The following HSPB7 variants were observed in gnomAD, a reference collection of about 807,000 sequenced individuals.
HSPB7 encodes heat shock protein beta-7.
HSPB7 carries 9 observed loss-of-function variants against 11.0 expected under a neutral mutation model. The ratio of observed to expected loss-of-function variants is 0.82; its 90% confidence interval spans 0.49 to 1.43. The LOEUF (loss-of-function observed/expected upper bound fraction) is 1.43, where lower values mean the gene tolerates loss of function less well. Among genes scored for constraint, HSPB7 ranks in the 40% most tolerant of loss-of-function variants. HSPB7 has a pLI of 0.00. For synonymous variants in HSPB7, 102 were observed against 101.6 expected, an observed-to-expected ratio of 1.00 and a Z score of -0.02; for missense variants, 246 against 243.9, an observed-to-expected ratio of 1.01 and a Z score of -0.06.
At chr1:16,019,108 G>A (rs1475872402), upstream of HSPB7, 1 of 1,524,358 alleles carries the variant, frequency 6.6e-7, no homozygotes, top group South Asian at 1.2e-5. Context: ...CTACCCACCT[G>A]CTTGCTCAGC....
chr1:16,017,559 G>T, intron 1 of HSPB7: 1 of 597,144 alleles, frequency 1.7e-6, no homozygotes, highest in South Asian at 2.2e-5. Flanking sequence ...CCAACCCCCA[G>T]GGCCACAACT....
rs2021575913 is a variant in HSPB7 at position 16,014,855 on chromosome 1, C to T, written c.*725G>A. Reference sequence around the variant, plus strand: ...AGAAGGACCAGCCCCACCCCCAACCCCACTTGGCCTTGCCTGGAGGCCCCA... The same window carrying T: ...AGAAGGACCAGCCCCACCCCCAACCTCACTTGGCCTTGCCTGGAGGCCCCA... On this transcript the variant is annotated 3_prime_UTR_variant, in exon 3 of 3. Coordinates refer to ENST00000311890, the MANE Select transcript of HSPB7 (RefSeq NM_014424.5). 1 of 152,452 alleles carries T rather than the reference C, an allele frequency of 6.6e-6. No individual in the cohort carries two copies. The highest frequency in any genetic ancestry group is 6.5e-5 in the Admixed American group (1 of 15,296). The allele number at this position is 152,452 out of a possible 1,614,324, so 9.4% of individuals were successfully genotyped here.
chr1:16,018,161 T>A, upstream of HSPB7: 1 of 1,537,744 alleles, frequency 6.5e-7, no homozygotes, highest in South Asian at 1.2e-5. Context: ...GGAAATCTTC[T>A]CCCGTGCGCC....
In HSPB7 at chr1:16,017,971, C is replaced by T. The variant is rs3738640; in HGVS notation, c.-8G>A. The T allele has an allele frequency of 0.09, 144,828 of 1,612,826 alleles. 8,115 individuals carry two copies. Among genetic ancestry groups the T allele is most frequent in the East Asian group, 0.25 (11,088 of 44,856 alleles). ...AGAGGTTCTGTGGCTCATCCACGGA[C>T]GGCGCCGGGCCCTGCCCAGGCGGGC... On this transcript the variant is annotated 5_prime_UTR_variant, in exon 1 of 3. Coordinates refer to ENST00000311890, the MANE Select transcript of HSPB7 (RefSeq NM_014424.5).
At position 16,014,488 on chromosome 1, in the gene HSPB7, G is replaced by A. The variant is rs2021553094; in HGVS notation, c.*1092C>T. 6.6e-6 allele frequency: 1 copy of A among 152,254 alleles called. No homozygotes were observed. Among genetic ancestry groups the A allele is most frequent in the Non-Finnish European group, 1.5e-5 (1 of 68,056 alleles). The allele number at this position is 152,254 out of a possible 1,614,324, so 9.4% of individuals were successfully genotyped here. A position where few individuals can be genotyped will look rare whatever the true frequency, so the allele number is the denominator to read the frequency against. ...ACCCTGGGTTCAGATCTAACCTTCA[G>A]TGACAAAGCACAGCACTCAGTGGCT... On this transcript the variant is annotated 3_prime_UTR_variant, in exon 3 of 3. Transcript: ENST00000311890.
upstream of HSPB7, chr1:16,018,796 T>C: frequency 4.4e-6 from 5 of 1,141,542 alleles, no homozygotes; most frequent in Non-Finnish European, 5.4e-6. Flanking sequence ...AAAAGAGAAT[T>C]CCGGAAGACA....
upstream of HSPB7, chr1:16,018,744 G>A (rs2021948905): frequency 3.8e-6 from 4 of 1,059,920 alleles, no homozygotes; most frequent in Non-Finnish European, 1.1e-6. Flanking sequence ...TGTGTCAGAG[G>A]TGATGCCTGC....
upstream of HSPB7, chr1:16,018,983 C>A: frequency 1.0e-6 from 1 of 990,328 alleles, no homozygotes; most frequent in Non-Finnish European, 1.4e-6. Context: ...GCGTAAGTGG[C>A]AGAGCTGGGA....
At chr1:16,019,433 A>T, upstream of HSPB7, 1 of 1,549,878 alleles carries the variant, frequency 6.5e-7, no homozygotes, top group Non-Finnish European at 8.7e-7. Flanking sequence ...TCCAACTGGC[A>T]GTTCCCACGG....
At chr1:16,018,422 G>T, upstream of HSPB7, 1 of 1,169,582 alleles carries the variant, frequency 8.6e-7, no homozygotes, top group South Asian at 1.7e-5. Flanking sequence ...TCTCCTCCAC[G>T]GCTGTACCTC....
upstream of HSPB7, chr1:16,019,299 C>T (rs752403547): frequency 6.2e-6 from 9 of 1,447,158 alleles, no homozygotes; most frequent in Non-Finnish European, 7.6e-6. Flanking sequence ...TGCTCCTGCT[C>T]ACATGGGCCC....
At position 16,015,550 on chromosome 1, in the gene HSPB7, G is replaced by C; in HGVS notation, c.*30C>G. The stretch of plus-strand genomic sequence containing the variant: ...AGGCTTTGCTGGCAGGCGTGGGGCG[G>C]GGGGACAGGGAAAGGGAAGGGAGAG... On this transcript the variant is annotated 3_prime_UTR_variant, in exon 3 of 3. Coordinates refer to ENST00000311890, the MANE Select transcript of HSPB7 (RefSeq NM_014424.5). This position sits in a 1 kb window ranked among gnomAD's most constrained non-coding sequence, Gnocchi z 4.9. The C allele has an allele frequency of 6.2e-7, 1 of 1,607,910 alleles. No individual in the cohort carries two copies. The highest frequency in any genetic ancestry group is 1.3e-5 in the African/African-American group (1 of 74,880).
intron 1 of HSPB7, 106 bp from the exon 2 acceptor site, chr1:16,017,313 C>T: frequency 2.1e-6 from 3 of 1,449,276 alleles, no homozygotes; most frequent in Non-Finnish European, 2.8e-6. Context: ...CCAGGCCCTA[C>T]CTCCCCCCTA....
At chr1:16,018,114 A>C, upstream of HSPB7, 1 of 1,551,746 alleles carries the variant, frequency 6.4e-7, no homozygotes, top group Non-Finnish European at 8.7e-7. Context: ...CTTGTCTACT[A>C]GCTAAATTTA....
Position 16,017,932 on chromosome 1 carries a change from G to C in HSPB7, c.32C>G (p.Ala11Gly), listed in dbSNP as rs759093920. 4.3e-6 allele frequency: 7 copies of C among 1,613,254 alleles called. No individual in the cohort carries two copies. Among genetic ancestry groups the C allele is most frequent in the Non-Finnish European group, 5.9e-6 (7 of 1,179,676 alleles). The change falls in exon 1 of 3, where the codon GCG becomes GGG. Residue 11 changes from alanine (A) to glycine (G), a missense_variant. Transcript: ENST00000311890. Reference sequence around the variant, plus strand: ...GGAAGAGGAATGGAAACTTCTCTCCGCTCGGAAGGTGGAAGAGGTTCTGTG... The same window carrying C: ...GGAAGAGGAATGGAAACTTCTCTCCCCTCGGAAGGTGGAAGAGGTTCTGTG... MSHRTSSTFRAERSFHSSSSS... is the reference protein window; with the variant it reads MSHRTSSTFRGERSFHSSSSS...
Position 16,017,063 on chromosome 1 carries a change from G to T in HSPB7, c.333+11C>A. 2 of 1,602,194 alleles carry T rather than the reference G, an allele frequency of 1.2e-6. No homozygotes were observed. The highest frequency in any genetic ancestry group is 1.1e-5 in the South Asian group (1 of 90,778). On this transcript the variant is annotated intron_variant, in intron 2 of 2. Coordinates refer to ENST00000311890, the MANE Select transcript of HSPB7 (RefSeq NM_014424.5). Reference sequence around the variant, plus strand: ...ATTTGGGATGCGGTGAGTAGGGGGTGGGGGGCTCACCTTCTCAGCCCGCAC... The same window carrying T: ...ATTTGGGATGCGGTGAGTAGGGGGTTGGGGGCTCACCTTCTCAGCCCGCAC...
chr1:16,018,140 C>G (rs2021909078), upstream of HSPB7: 1 of 1,543,540 alleles, frequency 6.5e-7, no homozygotes, highest in Non-Finnish European at 8.7e-7. Flanking sequence ...CTCCATGGCC[C>G]AGAGGGGGCT....
upstream of HSPB7, chr1:16,019,170 C>T (rs548620946): frequency 4.7e-5 from 73 of 1,550,416 alleles, no homozygotes; most frequent in South Asian, 5.5e-4. Context: ...TTCTGAGAGG[C>T]GGCCAGGCCC....
upstream of HSPB7, chr1:16,018,752 T>C: frequency 9.4e-7 from 1 of 1,064,832 alleles, no homozygotes; most frequent in Non-Finnish European, 1.1e-6. Flanking sequence ...AGGTGATGCC[T>C]GCGAGCGCCT....
Sources: allele counts gnomAD v4.1 joint callset, GRCh38; gene constraint gnomAD v4.1.1; non-coding constraint Gnocchi (gnomAD v3.1); transcripts MANE v1.5; gene names NCBI Gene and HGNC (gene_info 2026-07-23, HGNC 2026-07-21).